Variants in TLL2 observed in about 807,000 individuals in gnomAD.
TLL2 encodes tolloid-like protein 2.
A neutral mutation model predicts 123.0 loss-of-function variants in TLL2; 106 were observed. That is an observed-to-expected ratio of 0.86 (90% CI 0.74 to 1.01). The LOEUF (loss-of-function observed/expected upper bound fraction) is 1.01, where lower values mean the gene tolerates loss of function less well. Among genes scored for constraint, TLL2 ranks in the 50% least tolerant of loss-of-function variants. The probability of loss-of-function intolerance (pLI) is 0.00; values close to 1 mark genes in which losing one functional copy is unlikely to be tolerated. For synonymous variants in TLL2, 494 were observed against 516.8 expected, an observed-to-expected ratio of 0.96 and a Z score of 0.60; for missense variants, 1,332 against 1,336.7, an observed-to-expected ratio of 1.00 and a Z score of 0.06.
At chr10:96,461,054 T>C (rs1031355848) in intron 2 of TLL2, among the ~76,000 whole-genome samples, 8 of 152,164 alleles carry the variant, frequency 5.3e-5, no homozygotes, top group Non-Finnish European at 8.8e-5. Flanking sequence ...TAGATAATCA[T>C]ATAGAAGACG....
chr10:96,369,908 TCTC>T (rs1846062147), intron 20 of TLL2, among the ~76,000 whole-genome samples, 154 bp downstream of exon 20: 1 of 151,980 alleles, frequency 6.6e-6, no homozygotes, highest in Admixed American at 6.6e-5. Context: ...TCCTGACGGT[TCTC>T]CTGCTTCCCA....
At chr10:96,456,746 T>C (rs566335549) in intron 2 of TLL2, among the ~76,000 whole-genome samples, 15 of 152,244 alleles carry the variant, frequency 9.9e-5, no homozygotes, top group Admixed American at 3.9e-4. Context: ...TCAAATCAAA[T>C]CAGATCCACA....
chr10:96,425,367 A>C (rs962147866), intron 5 of TLL2, among the ~76,000 whole-genome samples: 12 of 151,968 alleles, frequency 7.9e-5, no homozygotes, highest in African/African-American at 2.9e-4. Context: ...ATGTATGCAT[A>C]CATACACATG....
intron 16 of TLL2, among the ~76,000 whole-genome samples, chr10:96,384,031 G>A (rs1846208412): frequency 6.6e-6 from 1 of 152,172 alleles, no homozygotes. Flanking sequence ...TGGAAATAGT[G>A]TCTCTGCAGA....
intron 2 of TLL2, among the ~76,000 whole-genome samples, chr10:96,457,271 G>A (rs1847026349): frequency 6.6e-6 from 1 of 152,122 alleles, no homozygotes; most frequent in Non-Finnish European, 1.5e-5. Flanking sequence ...CCTCCTCAGG[G>A]AAAGCTCTTC....
intron 2 of TLL2, among the ~76,000 whole-genome samples, chr10:96,474,410 G>T (rs909879503): frequency 1.3e-5 from 2 of 152,244 alleles, no homozygotes; most frequent in Non-Finnish European, 2.9e-5. Context: ...CACAAATGCA[G>T]CTGGGTAGAG....
chr10:96,495,514 C>T (rs1044304256), intron 1 of TLL2, among the ~76,000 whole-genome samples: 1 of 152,034 alleles, frequency 6.6e-6, no homozygotes. Context: ...ACAATATGGC[C>T]TCTATGTTCT....
At chr10:96,414,568 CCTCT>C (rs1846536043) in intron 7 of TLL2, among the ~76,000 whole-genome samples, 1 of 152,060 alleles carries the variant, frequency 6.6e-6, no homozygotes, top group Non-Finnish European at 1.5e-5. Flanking sequence ...CTCCCTCTGT[CCTCT>C]CTCTCCATAT....
intron 2 of TLL2, among the ~76,000 whole-genome samples, chr10:96,462,252 CT>C: frequency 6.6e-6 from 1 of 152,072 alleles, no homozygotes; most frequent in East Asian, 1.9e-4. Flanking sequence ...CTGCCCAGCC[CT>C]TTGCCTCATT....
At chr10:96,431,920 T>A (rs1417471274) in intron 4 of TLL2, among the ~76,000 whole-genome samples, 1 of 151,784 alleles carries the variant, frequency 6.6e-6, no homozygotes, top group East Asian at 1.9e-4. Flanking sequence ...CAAGTTCAAG[T>A]GTGAGTGCTC....
intron 5 of TLL2, among the ~76,000 whole-genome samples, chr10:96,427,391 C>T (rs553170334): frequency 1.3e-5 from 2 of 152,164 alleles, no homozygotes; most frequent in African/African-American, 2.4e-5. Flanking sequence ...TTTTGGTCAA[C>T]GTGACACTGA....
chr10:96,393,432 C>T (rs1415963261), intron 13 of TLL2, among the ~76,000 whole-genome samples: 1 of 152,258 alleles, frequency 6.6e-6, no homozygotes, highest in Admixed American at 6.5e-5. Flanking sequence ...TGATGACAGC[C>T]TTGCAATCAC....
chr10:96,459,144 T>C lies in TLL2; in HGVS notation c.287-12976A>G, dbSNP rs547787623. ...GGGGTAAATGCTATGAATGTGTCAT[T>C]TTCCCCAAACGAAGTTATGGGTTTA... On this transcript the variant is annotated intron_variant, in intron 2 of 20. Coordinates refer to ENST00000357947, the MANE Select transcript of TLL2 (RefSeq NM_012465.4). 2.0e-5 allele frequency among the ~76,000 whole-genome samples: 3 copies of C among 152,296 alleles called. 1 individual carries two copies. The South Asian group carries it at 6.2e-4, about 32-fold the overall frequency.
intron 1 of TLL2, among the ~76,000 whole-genome samples, chr10:96,490,425 T>C (rs991385077): frequency 6.6e-6 from 1 of 152,154 alleles, no homozygotes; most frequent in Non-Finnish European, 1.5e-5. Context: ...CAGCCTGCAA[T>C]GTAGAATCGT....
At chr10:96,451,309 A>C (rs1223392030) in intron 2 of TLL2, among the ~76,000 whole-genome samples, 1 of 152,160 alleles carries the variant, frequency 6.6e-6, no homozygotes, top group African/African-American at 2.4e-5. Context: ...CTCTCAACAA[A>C]AAGTGCCTTA....
chr10:96,452,144 A>T (rs1270548754), intron 2 of TLL2, among the ~76,000 whole-genome samples: 1 of 152,228 alleles, frequency 6.6e-6, no homozygotes, highest in Non-Finnish European at 1.5e-5. Context: ...GAGGGGATGG[A>T]AATTAACAAT....
intron 1 of TLL2, among the ~76,000 whole-genome samples, chr10:96,493,898 G>A (rs935980980): frequency 1.2e-4 from 19 of 152,210 alleles, no homozygotes; most frequent in South Asian, 4.1e-4. Context: ...GGGGGAAAGT[G>A]AGACTTCAGA....
chr10:96,399,745 A>G (rs1018856106), intron 10 of TLL2, among the ~76,000 whole-genome samples: 1 of 152,234 alleles, frequency 6.6e-6, no homozygotes, highest in Non-Finnish European at 1.5e-5. Context: ...ATTCCTTCTT[A>G]GCCTAGCCCA....
At chr10:96,454,763 C>T (rs973472120) in intron 2 of TLL2, among the ~76,000 whole-genome samples, 2 of 152,186 alleles carry the variant, frequency 1.3e-5, no homozygotes, top group African/African-American at 2.4e-5. Context: ...GGCCTGTAAT[C>T]AGCACTCATT....
Sources: allele counts gnomAD v4.1 joint callset (sites outside exome capture counted in the v4.1 genomes callset), GRCh38; gene constraint gnomAD v4.1.1; transcripts MANE v1.5; gene names NCBI Gene and HGNC (gene_info 2026-07-23, HGNC 2026-07-21).